SIAE: variants seen among roughly 807,000 people sequenced by gnomAD.
SIAE encodes sialate O-acetylesterase.
In SIAE, 39 loss-of-function variants were observed where a neutral mutation model predicts 52.6. That is an observed-to-expected ratio of 0.74 (90% CI 0.57 to 0.97). The LOEUF is 0.97. Ranked by LOEUF, SIAE falls within the 50% of genes least tolerant of loss-of-function variation. The pLI is 0.00. For missense variants in SIAE, 592 were observed against 662.1 expected (o/e 0.89, Z 1.16); for synonymous variants, 233 against 241.4 (o/e 0.97, Z 0.32).
intron 4 of SIAE, among the ~76,000 whole-genome samples, chr11:124,650,962 G>A (rs1042875278): frequency 6.6e-6 from 1 of 152,088 alleles, no homozygotes; most frequent in African/African-American, 2.4e-5. Context: ...AACCAACAGA[G>A]GCAAGAGTGA....
intron 3 of SIAE, chr11:124,659,930 G>C (rs890486071): frequency 2.0e-4 from 31 of 151,584 alleles, no homozygotes; most frequent in African/African-American, 7.2e-4. Context: ...GATGAATTGA[G>C]TTAACGGTCT....
At chr11:124,644,066 T>C (rs1182881955) in intron 7 of SIAE, among the ~76,000 whole-genome samples, 4 of 151,672 alleles carry the variant, frequency 2.6e-5, no homozygotes, top group Non-Finnish European at 5.9e-5. Flanking sequence ...CACGGAGAGG[T>C]TGCAATAATA....
chr11:124,659,730 A>T (rs1444111468), intron 3 of SIAE: 1 of 151,996 alleles, frequency 6.6e-6, no homozygotes, highest in Non-Finnish European at 1.5e-5. Context: ...CTTCAATGCA[A>T]GAATTTAAAT....
At chr11:124,642,814 A>C (rs1056491512) in intron 7 of SIAE, among the ~76,000 whole-genome samples, 1 of 152,212 alleles carries the variant, frequency 6.6e-6, no homozygotes, top group Non-Finnish European at 1.5e-5. Context: ...GGAGAGTATC[A>C]TGGTGAGCCT....
chr11:124,634,716 C>T lies in SIAE; in HGVS notation c.*2235G>A, dbSNP rs1942684385. 1 of 152,122 alleles carries T rather than the reference C, an allele frequency of 6.6e-6. No homozygotes were observed. The highest frequency in any genetic ancestry group is 2.4e-5 in the African/African-American group (1 of 41,408). The allele number at this position is 152,122 out of a possible 1,614,324, so 9.4% of individuals were successfully genotyped here. ...AATGAGGCTTCCACAAACTGAAACA[C>T]TCTAAATCTATATTCTATTATTTAC... On this transcript the variant is annotated 3_prime_UTR_variant, in exon 10 of 10. Coordinates refer to ENST00000263593, the MANE Select transcript of SIAE (RefSeq NM_170601.5).
At chr11:124,654,853 TTAG>T (rs1436614105) in intron 3 of SIAE, 60 bp from the exon 4 acceptor site, 26 of 1,596,528 alleles carry the variant, frequency 1.6e-5, no homozygotes, top group Non-Finnish European at 1.9e-5. Context: ...CTGACACCTC[TTAG>T]TAAACATCAG....
intron 1 of SIAE, 171 bp from the exon 2 acceptor site, chr11:124,669,692 T>C: frequency 1.5e-6 from 1 of 677,188 alleles, no homozygotes; most frequent in Non-Finnish European, 2.6e-6. Context: ...GCAAGCAACA[T>C]AACAAGAACA....
chr11:124,651,970 G>T (rs1203108048), intron 4 of SIAE, among the ~76,000 whole-genome samples: 1 of 152,140 alleles, frequency 6.6e-6, no homozygotes, highest in African/African-American at 2.4e-5. Context: ...CCAGCAACAG[G>T]AGTTTAACAG....
chr11:124,675,429 T>A, upstream of SIAE: 1 of 1,599,662 alleles, frequency 6.3e-7, no homozygotes, highest in African/African-American at 1.4e-5. Context: ...GTAAGCTTTC[T>A]AAAATTAGTC....
chr11:124,656,123 T>C (rs1256082257), intron 3 of SIAE, among the ~76,000 whole-genome samples: 1 of 152,210 alleles, frequency 6.6e-6, no homozygotes, highest in African/African-American at 2.4e-5. Flanking sequence ...ATTATGTCTA[T>C]GCAAATATTG....
intron 2 of SIAE, among the ~76,000 whole-genome samples, chr11:124,669,046 T>C (rs1943312387): frequency 6.6e-6 from 1 of 152,166 alleles, no homozygotes; most frequent in Non-Finnish European, 1.5e-5. Context: ...GAGTTCAATG[T>C]TTCTCCTCTG....
chr11:124,673,968 C>T (rs1337242206), upstream of SIAE: 5 of 553,920 alleles, frequency 9.0e-6, no homozygotes, highest in Non-Finnish European at 1.6e-5. Context: ...GCCGCTTCCC[C>T]ACTTCCTCTC....
intron 4 of SIAE, chr11:124,654,377 G>A (rs940053092): frequency 4.1e-6 from 4 of 985,390 alleles, no homozygotes; most frequent in South Asian, 4.7e-5. Context: ...AGGCATCGGC[G>A]AGAGATGCTG....
chr11:124,661,535 G>A (rs914546107), intron 2 of SIAE, among the ~76,000 whole-genome samples: 4 of 152,144 alleles, frequency 2.6e-5, no homozygotes, highest in African/African-American at 9.7e-5. Flanking sequence ...GAAACTCATA[G>A]CATATTCCCT....
In SIAE at chr11:124,651,343, C is replaced by G. The variant is rs59203293; in HGVS notation, c.545-1547G>C. Among the ~76,000 whole-genome samples the G allele has an allele frequency of 8.5e-3, 1,295 of 152,096 alleles. 23 individuals are homozygous for G. The East Asian group carries it at 0.091, about 11-fold the overall frequency. On this transcript the variant is annotated intron_variant, in intron 4 of 9. Coordinates refer to ENST00000263593, the MANE Select transcript of SIAE (RefSeq NM_170601.5). ...CAGGCAGATCATGAGGTCAGGAGTT[C>G]GAGACCAGCCTGACCAACGTGGTGA...
chr11:124,672,924 T>C (rs1442741908), intron 1 of SIAE, among the ~76,000 whole-genome samples: 1 of 152,196 alleles, frequency 6.6e-6, no homozygotes. Context: ...ATTATCACTT[T>C]AGTTTGCATT....
intron 7 of SIAE, among the ~76,000 whole-genome samples, chr11:124,642,925 GA>G (rs1374044311): frequency 2.6e-5 from 4 of 152,200 alleles, no homozygotes; most frequent in African/African-American, 4.8e-5. Flanking sequence ...CAGCTTCAAG[GA>G]GGTGAATTCT....
In SIAE at chr11:124,638,593, G is replaced by A. The variant is rs1175874441; in HGVS notation, c.1269C>T (p.Leu423=). The change falls in exon 9 of 10, where the codon CTC becomes CTT. Residue 423 remains leucine (L), a synonymous_variant. Coordinates refer to ENST00000263593, the MANE Select transcript of SIAE (RefSeq NM_170601.5). The part of the protein sequence containing the change: ...ELLAHKGLLN[L]TYYQQIQVQK... ...GCACCTGGATTTGCTGGTAATATGT[G>A]AGATTGAGCAGCCCCTTGTGAGCCA... 3 of 1,614,126 alleles carry A rather than the reference G, an allele frequency of 1.9e-6. No individual in the cohort carries two copies. The highest frequency in any genetic ancestry group is 2.5e-6 in the Non-Finnish European group (3 of 1,180,000).
chr11:124,649,469 T>C, intron 5 of SIAE, 150 bp downstream of exon 5: 2 of 908,940 alleles, frequency 2.2e-6, no homozygotes, highest in South Asian at 2.9e-5. Flanking sequence ...ACAGTGAAAA[T>C]AATGCTTTCC....
Sources: allele counts gnomAD v4.1 joint callset (sites outside exome capture counted in the v4.1 genomes callset), GRCh38; gene constraint gnomAD v4.1.1; transcripts MANE v1.5; gene names NCBI Gene and HGNC (gene_info 2026-07-23, HGNC 2026-07-21).